PPP1R9A: variants seen among roughly 807,000 people sequenced by gnomAD.
PPP1R9A encodes the protein protein phosphatase 1 regulatory subunit 9A.
PPP1R9A carries 59 observed loss-of-function variants against 141.9 expected under a neutral mutation model. The ratio of observed to expected loss-of-function variants is 0.42; its 90% CI spans 0.34 to 0.52. The LOEUF is 0.52. Among genes scored for constraint, PPP1R9A ranks in the 20% least tolerant of loss-of-function variants. The pLI, the probability that PPP1R9A is intolerant of heterozygous loss-of-function variation, is 0.10. For missense variants in PPP1R9A, 1,444 were observed against 1,611.9 expected, an observed-to-expected ratio of 0.90 and a Z score of 1.78; for synonymous variants, 500 against 569.7, an observed-to-expected ratio of 0.88 and a Z score of 1.74.
chr7:95,057,296 A>G lies in PPP1R9A; in HGVS notation c.1396-53963A>G, dbSNP rs539803145. ...ATGAACTTGATTTTTTCCCCTGAAC[A>G]TGGAGAAAAAGCAAATAATAAAGAA... On this transcript the variant is annotated intron_variant, in intron 2 of 19. Coordinates refer to ENST00000433360, the MANE Select transcript of PPP1R9A (RefSeq NM_001166160.2). Among the ~76,000 whole-genome samples, 8 of 152,242 alleles carry G rather than the reference A, an allele frequency of 5.3e-5. No individual in the cohort carries two copies. The South Asian group carries it at 1.7e-3, about 32-fold the overall frequency.
intron 2 of PPP1R9A, among the ~76,000 whole-genome samples, chr7:95,054,938 G>T (rs1033611316): frequency 5.9e-5 from 9 of 152,110 alleles, no homozygotes; most frequent in African/African-American, 1.9e-4. Flanking sequence ...ATAAATAAAA[G>T]CAAGTTAACT....
chr7:94,985,418 T>C (rs568858489), intron 2 of PPP1R9A, among the ~76,000 whole-genome samples: 2 of 152,262 alleles, frequency 1.3e-5, no homozygotes, highest in African/African-American at 4.8e-5. Context: ...ATATTCACAG[T>C]GGGGTATTAA....
chr7:95,135,726 C>A (rs1563290555), intron 4 of PPP1R9A, among the ~76,000 whole-genome samples: 1 of 151,160 alleles, frequency 6.6e-6, no homozygotes, highest in Non-Finnish European at 1.5e-5. Flanking sequence ...AATTTTTTGC[C>A]CTTTAAAAAA....
chr7:95,261,485 A>C (rs936879922), intron 12 of PPP1R9A, among the ~76,000 whole-genome samples: 1 of 152,194 alleles, frequency 6.6e-6, no homozygotes. Flanking sequence ...AGGTATACCA[A>C]AAAACACTGT....
At chr7:95,283,371 C>T (rs1003746003) in intron 16 of PPP1R9A, among the ~76,000 whole-genome samples, 1 of 152,144 alleles carries the variant, frequency 6.6e-6, no homozygotes, top group Non-Finnish European at 1.5e-5. Flanking sequence ...CCACTTTTTA[C>T]AGATGGAGAA....
At chr7:94,974,666 C>CT (rs1401089679) in intron 2 of PPP1R9A, among the ~76,000 whole-genome samples, 8 of 152,148 alleles carry the variant, frequency 5.3e-5, no homozygotes, top group Non-Finnish European at 8.8e-5. Context: ...ATTGACGCTT[C>CT]TTGTTTTATT....
chr7:94,933,943 A>G (rs76250811), intron 2 of PPP1R9A, among the ~76,000 whole-genome samples: 2,059 of 152,324 alleles, frequency 0.014, 54 homozygotes, highest in African/African-American at 0.048. Context: ...AATTTGAAGC[A>G]GACTGCCATT....
chr7:95,220,257 G>A (rs189106018), intron 7 of PPP1R9A, among the ~76,000 whole-genome samples: 110 of 152,190 alleles, frequency 7.2e-4, no homozygotes, highest in African/African-American at 2.4e-3. Context: ...TGAGTTTGAC[G>A]TTTTCCTCCT....
At chr7:95,277,901 A>G (rs1376760019) in intron 16 of PPP1R9A, among the ~76,000 whole-genome samples, 3 of 152,246 alleles carry the variant, frequency 2.0e-5, no homozygotes, top group Non-Finnish European at 2.9e-5. Context: ...AGCTCTGTAG[A>G]TAAGTTTCCA....
Position 95,062,844 on chromosome 7 carries a change from T to C in PPP1R9A, c.1396-48415T>C, listed in dbSNP as rs1352695869. 6.6e-5 allele frequency among the ~76,000 whole-genome samples: 10 copies of C among 152,092 alleles called. No individual in the cohort carries two copies. In the East Asian group the frequency reaches 1.9e-3, roughly 29 times the overall value. On this transcript the variant is annotated intron_variant, in intron 2 of 19. Transcript: ENST00000433360. The stretch of plus-strand genomic sequence containing the variant: ...CTGCCATAGAGCACTTACATATCCA[T>C]GTTTCTTCTATTATGAAAGGAGGAG...
intron 8 of PPP1R9A, among the ~76,000 whole-genome samples, chr7:95,234,305 A>G (rs1242530327): frequency 3.3e-5 from 5 of 152,232 alleles, no homozygotes; most frequent in Non-Finnish European, 7.3e-5. Context: ...AAGTTCCTAG[A>G]ACTGGTAAAT....
At chr7:95,174,364 G>A (rs992820747) in intron 5 of PPP1R9A, among the ~76,000 whole-genome samples, 4 of 152,092 alleles carry the variant, frequency 2.6e-5, no homozygotes, top group African/African-American at 9.7e-5. Context: ...CACGAAGGGA[G>A]GGAATTGTCT....
intron 2 of PPP1R9A, among the ~76,000 whole-genome samples, chr7:94,911,743 C>A (rs1193201480): frequency 6.6e-6 from 1 of 152,066 alleles, no homozygotes. Context: ...AATATTAAAG[C>A]TGAAGAAGTT....
intron 2 of PPP1R9A, among the ~76,000 whole-genome samples, chr7:94,980,889 T>C (rs1800024738): frequency 6.6e-6 from 1 of 152,220 alleles, no homozygotes; most frequent in African/African-American, 2.4e-5. Flanking sequence ...GTCATATATT[T>C]GTATAACTAA....
intron 4 of PPP1R9A, among the ~76,000 whole-genome samples, chr7:95,141,747 C>A (rs970476765): frequency 2.0e-5 from 3 of 151,808 alleles, no homozygotes; most frequent in African/African-American, 7.3e-5. Context: ...CTTGATAATA[C>A]CACATTTAGT....
In PPP1R9A at chr7:95,292,657, T is replaced by G. The variant is rs1806530820; in HGVS notation, c.*2354T>G. 1 of 152,186 alleles carries G rather than the reference T, an allele frequency of 6.6e-6. No individual in the cohort carries two copies. Among genetic ancestry groups the G allele is most frequent in the African/African-American group, 2.4e-5 (1 of 41,444 alleles). 9.4% of individuals were successfully genotyped at this position (152,186 alleles called of 1,614,324 possible). A position where few individuals can be genotyped will look rare whatever the true frequency, so the allele number is the denominator to read the frequency against. Reference sequence around the variant, plus strand: ...ATCAAATTCTTATTCCTAAAATCATTTAGTATTATAAGTATTTTGATTTTT... The same window carrying G: ...ATCAAATTCTTATTCCTAAAATCATGTAGTATTATAAGTATTTTGATTTTT... On this transcript the variant is annotated 3_prime_UTR_variant, in exon 20 of 20. Coordinates refer to ENST00000433360, the MANE Select transcript of PPP1R9A (RefSeq NM_001166160.2).
At chr7:95,091,244 C>A (rs961322060) in intron 2 of PPP1R9A, among the ~76,000 whole-genome samples, 1 of 149,742 alleles carries the variant, frequency 6.7e-6, no homozygotes, top group African/African-American at 2.5e-5. Context: ...CTAAAGTTTT[C>A]AATATTTTTG....
At chr7:95,225,911 C>T (rs370770650) in intron 7 of PPP1R9A, 50 bp from the exon 8 acceptor site, 6 of 1,530,528 alleles carry the variant, frequency 3.9e-6, no homozygotes, top group Non-Finnish European at 5.3e-6. Context: ...AATAACTCAC[C>T]TCCACCTGGG....
chr7:95,064,875 G>C (rs1368501992), intron 2 of PPP1R9A, among the ~76,000 whole-genome samples: 1 of 152,060 alleles, frequency 6.6e-6, no homozygotes, highest in Non-Finnish European at 1.5e-5. Flanking sequence ...TAACATCTTT[G>C]ATTTAAATAA....
Sources: allele counts gnomAD v4.1 joint callset (sites outside exome capture counted in the v4.1 genomes callset), GRCh38; gene constraint gnomAD v4.1.1; transcripts MANE v1.5; gene names NCBI Gene and HGNC (gene_info 2026-07-23, HGNC 2026-07-21).